The following PLA1A variants were observed in gnomAD, a reference collection of about 807,000 sequenced individuals.
PLA1A encodes the protein phospholipase A1 member A.
A neutral mutation model predicts 49.4 loss-of-function variants in PLA1A; 47 were observed. The observed-to-expected ratio is 0.95, with a 90% CI of 0.75 to 1.21. The LOEUF (loss-of-function observed/expected upper bound fraction) is 1.21, where lower values mean the gene tolerates loss of function less well. Among genes scored for constraint, PLA1A ranks in the 50% most tolerant of loss-of-function variants. PLA1A has a pLI of 0.00. For synonymous variants in PLA1A, 224 were observed against 207.9 expected, an observed-to-expected ratio of 1.08 and a Z score of -0.67; for missense variants, 561 against 563.9, an observed-to-expected ratio of 0.99 and a Z score of 0.05.
Position 119,618,055 on chromosome 3 carries a change from T to C in PLA1A, c.791T>C (p.Val264Ala). The C allele has an allele frequency of 1.9e-6, 3 of 1,614,042 alleles. No homozygotes were observed. The highest frequency in any genetic ancestry group is 2.5e-6 in the Non-Finnish European group (3 of 1,179,848). ...CTGATCTGTGATCACATGAGGGCTG[T>C]GCACCTCTACATCAGCGCCCTGGAG... The part of the protein sequence containing the change: ...SYLICDHMRA[V>A]HLYISALENS... Residue 264 changes from valine to alanine, a missense_variant, in exon 7 of 11, where the codon GTG becomes GCG. Physicochemically the swap from Val to Ala is moderately conservative, Grantham distance 64. Transcript: ENST00000273371.
At chr3:119,608,690 T>G in intron 2 of PLA1A, 80 bp from the exon 3 acceptor site, 92 of 1,073,206 alleles carry the variant, frequency 8.6e-5, no homozygotes, top group Non-Finnish European at 1.2e-4. Flanking sequence ...TTTCTGGGTT[T>G]GAGATTAATA....
chr3:119,629,498 A>ATATGT lies in PLA1A; in HGVS notation c.*31_*32insATGTT. ...ACCTGGGCAGGACACATCTCCCTGC[A>ATATGT]TTTTTTTTTTTTTTTTGAGAGAGAG... On this transcript the variant is annotated 3_prime_UTR_variant, in exon 11 of 11. Transcript: ENST00000273371. 1 of 742,944 alleles carries ATATGT rather than the reference A, an allele frequency of 1.3e-6. No individual in the cohort carries two copies. Among genetic ancestry groups the ATATGT allele is most frequent in the Non-Finnish European group, 2.1e-6 (1 of 485,338 alleles). The allele number at this position is 742,944 out of a possible 1,614,324, so 46.0% of individuals were successfully genotyped here. A position where few individuals can be genotyped will look rare whatever the true frequency, so the allele number is the denominator to read the frequency against.
At chr3:119,616,576 T>A in intron 6 of PLA1A, among the ~76,000 whole-genome samples, 1 of 152,244 alleles carries the variant, frequency 6.6e-6, no homozygotes, top group East Asian at 1.9e-4. Flanking sequence ...CTAAGGTCAA[T>A]AATTATTTGG....
chr3:119,603,896 C>T (rs2082649748), intron 1 of PLA1A, among the ~76,000 whole-genome samples: 1 of 152,170 alleles, frequency 6.6e-6, no homozygotes, highest in Non-Finnish European at 1.5e-5. Context: ...CCTCAGTTTC[C>T]TAGGACACAG....
chr3:119,629,542 G>A lies in PLA1A; in HGVS notation c.*74G>A. On this transcript the variant is annotated 3_prime_UTR_variant, in exon 11 of 11. Coordinates refer to ENST00000273371, the MANE Select transcript of PLA1A (RefSeq NM_015900.4). ...GAGAGAGGTGTGATGAGGGATGTGT[G>A]TGTGCAGCTTATTGTAGACCATTAC... is the stretch of plus-strand genomic sequence containing the variant. The A allele has an allele frequency of 1.2e-6, 1 of 810,100 alleles. No individual in the cohort carries two copies. Among genetic ancestry groups the A allele is most frequent in the Admixed American group, 1.8e-5 (1 of 56,130 alleles). The allele number at this position is 810,100 out of a possible 1,614,324, so 50.2% of individuals were successfully genotyped here.
intron 8 of PLA1A, among the ~76,000 whole-genome samples, chr3:119,620,874 G>A (rs1267204441): frequency 2.0e-5 from 3 of 152,220 alleles, no homozygotes; most frequent in Non-Finnish European, 4.4e-5. Flanking sequence ...GAGAGACCAA[G>A]TGGCATGCCC....
chr3:119,620,083 C>T (rs1203155533), intron 8 of PLA1A: 1 of 457,784 alleles, frequency 2.2e-6, no homozygotes. Context: ...CAGATGCATT[C>T]CAGCTTCTCA....
rs769799388 is a variant in PLA1A, at chr3:119,629,494, C to T, written c.*26C>T. ...TTTAACCTGGGCAGGACACATCTCC[C>T]TGCATTTTTTTTTTTTTTTTGAGAG... On this transcript the variant is annotated 3_prime_UTR_variant, in exon 11 of 11. Coordinates refer to ENST00000273371, the MANE Select transcript of PLA1A (RefSeq NM_015900.4). 4.8e-6 allele frequency: 6 copies of T among 1,239,718 alleles called. No homozygotes were observed. In the African/African-American group the frequency reaches 6.9e-5, roughly 14 times the overall value. The allele number at this position is 1,239,718 out of a possible 1,614,324, so 76.8% of individuals were successfully genotyped here.
chr3:119,619,746 G>C (rs2082902825), intron 8 of PLA1A, 94 bp downstream of exon 8: 1 of 868,582 alleles, frequency 1.2e-6, no homozygotes, highest in Non-Finnish European at 2.0e-6. Context: ...TGAATGATAA[G>C]AGCAAAGGCA....
At chr3:119,600,538 T>C in intron 1 of PLA1A, 1 of 624,054 alleles carries the variant, frequency 1.6e-6, no homozygotes. Context: ...CAGTTATGGC[T>C]GGCGTCTTCT....
rs760588762 is a variant in PLA1A at position 119,608,781 on chromosome 3, C to A, written c.287C>A (p.Thr96Lys). The A allele has an allele frequency of 3.1e-6, 5 of 1,613,506 alleles. No individual in the cohort carries two copies. The highest frequency in any genetic ancestry group is 4.5e-5 in the East Asian group (2 of 44,894). The change falls in exon 3 of 11, where the codon ACA (threonine) becomes AAA (lysine). Residue 96 changes from threonine to lysine, a missense_variant. By Grantham distance (78) the Thr-to-Lys change is moderately conservative (BLOSUM62 -1). Transcript: ENST00000273371. The part of the protein sequence containing the change: ...LIIHGFRVLG[T>K]KPSWIDTFIR... ...GGCCCCCTGTCTAGGGTTTTAGGAA[C>A]AAAGCCTTCCTGGATTGACACATTT...
Position 119,628,853 on chromosome 3 carries a change from CT to C in PLA1A, c.1275del (p.Val426SerfsTer14). The C allele has an allele frequency of 6.2e-7, 1 of 1,613,816 alleles. No homozygotes were observed. The highest frequency in any genetic ancestry group is 8.5e-7 in the Non-Finnish European group (1 of 1,179,704). On this transcript the variant is annotated frameshift_variant, in exon 10 of 11. Transcript: ENST00000273371. LOFTEE classifies it high-confidence loss of function. ...GGGAAGTTCTGCACTGCCCTTTTGC[CT>C]GTCAATGACAGGTAAGCCCCAGTAT... ...IIGKFCTALL[P>X]VNDREKMVCL... is the part of the protein sequence containing the mutation.
At chr3:119,618,965 C>T (rs952231481) in intron 7 of PLA1A, among the ~76,000 whole-genome samples, 1 of 152,180 alleles carries the variant, frequency 6.6e-6, no homozygotes, top group Non-Finnish European at 1.5e-5. Flanking sequence ...ATTTCCTATT[C>T]ATTGTGCATA....
intron 5 of PLA1A, among the ~76,000 whole-genome samples, chr3:119,615,807 G>A (rs772689547): frequency 2.6e-4 from 38 of 148,582 alleles, no homozygotes; most frequent in Non-Finnish European, 2.2e-4. Context: ...GCGAGAGAGC[G>A]AAAAAAGAAA....
intron 10 of PLA1A, 75 bp from the exon 11 acceptor site, chr3:119,629,309 G>A: frequency 5.8e-6 from 5 of 854,842 alleles, no homozygotes; most frequent in Non-Finnish European, 4.1e-6. Context: ...AGACATCATG[G>A]GAATTCAAAA....
rs183432102 is a variant in PLA1A, at chr3:119,626,696, G to A, written c.1121+1464G>A. On this transcript the variant is annotated intron_variant, in intron 9 of 10. Transcript: ENST00000273371. ...TGGGATGTTGGACATGAACTCTGCT[G>A]TGAGGCACTACAAGTTTCTGCTGGA... Among the ~76,000 whole-genome samples the A allele has an allele frequency of 2.3e-3, 353 of 152,314 alleles. 3 individuals are homozygous for A. The highest frequency in any genetic ancestry group is 8.1e-3 in the African/African-American group (337 of 41,568).
At chr3:119,613,821 A>C (rs2082804034) in intron 5 of PLA1A, among the ~76,000 whole-genome samples, 1 of 151,714 alleles carries the variant, frequency 6.6e-6, no homozygotes, top group African/African-American at 2.4e-5. Flanking sequence ...TGAACCCGGG[A>C]GGCAGAGTTT....
chr3:119,609,448 C>T lies in PLA1A; in HGVS notation c.454-20C>T, dbSNP rs757204958. 74 of 1,484,972 alleles carry T rather than the reference C, an allele frequency of 5.0e-5. No homozygotes were observed. Among genetic ancestry groups the T allele is most frequent in the Non-Finnish European group, 6.8e-5 (72 of 1,062,176 alleles). The allele number at this position is 1,484,972 out of a possible 1,614,324, so 92.0% of individuals were successfully genotyped here. Reference sequence around the variant, plus strand: ...CAGACTCTGTGGCCCACGGGGAACTCACTGTTCCTGCTCTTCTAGGTGCTG... The same window carrying T: ...CAGACTCTGTGGCCCACGGGGAACTTACTGTTCCTGCTCTTCTAGGTGCTG... On this transcript the variant is annotated intron_variant, in intron 3 of 10. Transcript: ENST00000273371.
chr3:119,613,067 T>C lies in PLA1A; in HGVS notation c.613T>C (p.Leu205=), dbSNP rs1384231369. The C allele has an allele frequency of 1.2e-6, 2 of 1,609,388 alleles. No homozygotes were observed. Among genetic ancestry groups the C allele is most frequent in the African/African-American group, 2.7e-5 (2 of 74,982 alleles). ...EYTRASVEER[L]DAGDALFVEA... ...CACCAGGGCCAGTGTGGAAGAGCGC[T>C]TGGATGCTGGAGATGCCCTCTTCGT... The change falls in exon 5 of 11, where the codon TTG becomes CTG. Residue 205 remains leucine (L), a synonymous_variant. Coordinates refer to ENST00000273371, the MANE Select transcript of PLA1A (RefSeq NM_015900.4).
Sources: gnomAD v4.1 joint callset for allele counts (sites outside exome capture counted in the v4.1 genomes callset) on GRCh38, gnomAD v4.1.1 for gene constraint, MANE v1.5 for transcripts, NCBI Gene and HGNC (gene_info 2026-07-23, HGNC 2026-07-21) for gene names.